Variants in PEAR1 observed in about 807,000 individuals in gnomAD.
PEAR1 encodes the protein platelet endothelial aggregation receptor 1.
PEAR1 carries 113 observed loss-of-function variants against 131.2 expected under a neutral mutation model. The observed-to-expected ratio is 0.86, with a 90% CI of 0.74 to 1.01. The LOEUF is 1.01. PEAR1 is among the 50% of genes least tolerant of loss of function. The pLI is 0.00. For missense variants in PEAR1, 1,408 were observed against 1,391.1 expected (o/e 1.01, Z -0.19); for synonymous variants, 565 against 523.3 (o/e 1.08, Z -1.09).
At position 156,910,738 on chromosome 1, in the gene PEAR1, C is replaced by G. The variant is rs1315490606; in HGVS notation, c.1946C>G (p.Ser649Cys). ...GCTGGCTGGACAGGCCCCGACTGCT[C>G]CCAGCGTATGTGGTAGCTTGTGTGT... is the stretch of plus-strand genomic sequence containing the variant. ...CLAGWTGPDC[S>C]QPCPPGHWGE... The change falls in exon 15 of 23, where the codon TCC becomes TGC. Residue 649 changes from serine to cysteine, a missense_variant. Transcript: ENST00000292357. The G allele has an allele frequency of 6.2e-7, 1 of 1,614,082 alleles. No individual in the cohort carries two copies. Among genetic ancestry groups the G allele is most frequent in the Admixed American group, 1.7e-5 (1 of 60,018 alleles).
In PEAR1 at chr1:156,915,968, C is replaced by G. The variant is rs117380926; in HGVS notation, c.*1170C>G. The G allele has an allele frequency of 6.6e-5, 10 of 152,264 alleles. No homozygotes were observed. The East Asian group carries it at 1.7e-3, about 26-fold the overall frequency. The allele number at this position is 152,264 out of a possible 1,614,324, so 9.4% of individuals were successfully genotyped here. A position where few individuals can be genotyped will look rare whatever the true frequency, so the allele number is the denominator to read the frequency against. ...GACTTCCCTAAAGGGTGGCATTTCCCCAGGGTAACAACGCAGAGCTCAGGT... is the reference window on the plus strand; with the variant it reads ...GACTTCCCTAAAGGGTGGCATTTCCGCAGGGTAACAACGCAGAGCTCAGGT... On this transcript the variant is annotated 3_prime_UTR_variant, in exon 23 of 23. Transcript: ENST00000292357.
In PEAR1 at chr1:156,910,010, G is replaced by A; in HGVS notation, c.1580G>A (p.Gly527Glu). ...GAHCQLPCPK[G>E]QFGEGCASRC... Reference sequence around the variant, plus strand: ...GCTCCCCACTCCTTCTCCAAGAAGGGGCAGTTTGGAGAAGGTTGTGCCAGT... The same window carrying A: ...GCTCCCCACTCCTTCTCCAAGAAGGAGCAGTTTGGAGAAGGTTGTGCCAGT... The change falls in exon 13 of 23, where the codon GGG (glycine) becomes GAG (glutamate). Residue 527 changes from glycine to glutamate, a missense_variant. By Grantham distance (98) the Gly-to-Glu change is moderately conservative. Coordinates refer to ENST00000292357, the MANE Select transcript of PEAR1 (RefSeq NM_001080471.3). The A allele has an allele frequency of 1.9e-6, 3 of 1,613,646 alleles. No individual in the cohort carries two copies. Among genetic ancestry groups the A allele is most frequent in the Non-Finnish European group, 2.5e-6 (3 of 1,180,022 alleles).
Position 156,904,043 on chromosome 1 carries a change from C to A in PEAR1, c.101+16C>A. 1 of 1,603,864 alleles carries A rather than the reference C, an allele frequency of 6.2e-7. No homozygotes were observed. The highest frequency in any genetic ancestry group is 8.5e-7 in the Non-Finnish European group (1 of 1,170,876). ...TCTGGGAAAGGTGAGAGGGCCCCTG[C>A]TGCACCTTGAGGGCACCAAGCCCTA... is the stretch of plus-strand genomic sequence containing the variant. On this transcript the variant is annotated intron_variant, in intron 2 of 22. Transcript: ENST00000292357.
At chr1:156,910,912 G>T (rs1650994316) in intron 15 of PEAR1, among the ~76,000 whole-genome samples, 169 bp downstream of exon 15, 1 of 152,224 alleles carries the variant, frequency 6.6e-6, no homozygotes, top group Non-Finnish European at 1.5e-5. Flanking sequence ...TGCTAAGGAT[G>T]CAGCAGTGAA....
At chr1:156,899,518 G>A (rs151220519) in intron 1 of PEAR1, among the ~76,000 whole-genome samples, 6 of 152,158 alleles carry the variant, frequency 3.9e-5, no homozygotes, top group East Asian at 1.9e-4. Context: ...TCCCATTCCC[G>A]GATCATCCTG....
At position 156,908,885 on chromosome 1, in the gene PEAR1, C is replaced by A; in HGVS notation, c.1291-31C>A. 6.2e-7 allele frequency: 1 copy of A among 1,609,814 alleles called. No homozygotes were observed. Among genetic ancestry groups the A allele is most frequent in the South Asian group, 1.1e-5 (1 of 91,040 alleles). On this transcript the variant is annotated intron_variant, in intron 10 of 22. Transcript: ENST00000292357. The surrounding 1 kb of genome is among the most constrained non-coding windows in gnomAD (Gnocchi z 4.2). ...GCAGGTGGAGAGGCCAAGGAATGGGCCGCCCCTCTCACCCGCTCACCCTCT... is the reference window on the plus strand; with the variant it reads ...GCAGGTGGAGAGGCCAAGGAATGGGACGCCCCTCTCACCCGCTCACCCTCT...
intron 1 of PEAR1, 61 bp from the exon 2 acceptor site, chr1:156,903,857 A>G (rs1649932106): frequency 1.5e-6 from 2 of 1,367,390 alleles, no homozygotes; most frequent in Non-Finnish European, 2.1e-6. Flanking sequence ...ATCTCTGCAG[A>G]CAGGTCCTCC....
chr1:156,904,658 A>T, intron 2 of PEAR1, 90 bp from the exon 3 acceptor site: 1 of 1,318,390 alleles, frequency 7.6e-7, no homozygotes, highest in Non-Finnish European at 1.1e-6. Flanking sequence ...TGGATTCCCC[A>T]CTGTGGCCAA....
Position 156,908,476 on chromosome 1 carries a change from C to T in PEAR1, c.1115+136C>T, listed in dbSNP as rs1214445149. The T allele has an allele frequency of 7.2e-6, 9 of 1,247,550 alleles. No individual in the cohort carries two copies. The highest frequency in any genetic ancestry group is 2.9e-5 in the Admixed American group (1 of 34,922). 77.3% of individuals were successfully genotyped at this position (1,247,550 alleles called of 1,614,324 possible). A position where few individuals can be genotyped will look rare whatever the true frequency, so the allele number is the denominator to read the frequency against. On this transcript the variant is annotated intron_variant, in intron 9 of 22. Coordinates refer to ENST00000292357, the MANE Select transcript of PEAR1 (RefSeq NM_001080471.3). The surrounding 1 kb of genome is among the most constrained non-coding windows in gnomAD (Gnocchi z 4.2). ...GGGGAAAGGGAGGGACCTCAGGGGC[C>T]GGGAGGGGCCTGGGGTACCGCTACT...
rs200879624 is a variant in PEAR1, at chr1:156,903,918, G to T, written c.-9G>T. 5.6e-6 allele frequency: 9 copies of T among 1,612,788 alleles called. No individual in the cohort carries two copies. In the African/African-American group the frequency reaches 1.1e-4, roughly 19 times the overall value. On this transcript the variant is annotated splice_region_variant and 5_prime_UTR_variant, in exon 2 of 23. Coordinates refer to ENST00000292357, the MANE Select transcript of PEAR1 (RefSeq NM_001080471.3). Reference sequence around the variant, plus strand: ...CCACTCTGCGCCGGTCTTGCTGCAGGCCTCTGCAATGTCACCGCCTCTGTG... The same window carrying T: ...CCACTCTGCGCCGGTCTTGCTGCAGTCCTCTGCAATGTCACCGCCTCTGTG...
At chr1:156,907,832 T>C (rs1370926564) in intron 7 of PEAR1, 83 bp from the exon 8 acceptor site, 69 of 1,560,606 alleles carry the variant, frequency 4.4e-5, no homozygotes, top group Non-Finnish European at 5.9e-5. Flanking sequence ...GTGAGCTCTG[T>C]GGTTATGGGG....
intron 1 of PEAR1, among the ~76,000 whole-genome samples, chr1:156,896,023 A>AG (rs1342896513): frequency 6.6e-6 from 1 of 152,174 alleles, no homozygotes; most frequent in Admixed American, 6.5e-5. Context: ...TTGAGGCTGC[A>AG]GTGAGCCATG....
chr1:156,898,445 G>A (rs1408459931), intron 1 of PEAR1, among the ~76,000 whole-genome samples: 4 of 152,182 alleles, frequency 2.6e-5, no homozygotes, highest in East Asian at 1.9e-4. Flanking sequence ...CATGCCTGGC[G>A]TGCCGAGGGC....
At position 156,913,491 on chromosome 1, in the gene PEAR1, G is replaced by A. The variant is rs201913466; in HGVS notation, c.2612G>A (p.Arg871His). 26 of 1,613,016 alleles carry A rather than the reference G, an allele frequency of 1.6e-5. No individual in the cohort carries two copies. Among genetic ancestry groups the A allele is most frequent in the East Asian group, 6.7e-5 (3 of 44,876 alleles). The change falls in exon 20 of 23, where the codon CGC becomes CAC. Residue 871 changes from arginine (R) to histidine (H), a missense_variant. Arg to His is a conservative substitution (Grantham distance 29, BLOSUM62 0). Transcript: ENST00000292357. The part of the protein sequence containing the change: ...HTTLPADWKH[R>H]REPPPGPLDR... ...ACCCTGCCTGCTGACTGGAAGCACC[G>A]CCGGGAGCCCCCTCCAGGGCCTCTG...
rs755476494 is a variant in PEAR1 at position 156,908,279 on chromosome 1, G to T, written c.1054G>T (p.Asp352Tyr). Reference sequence around the variant, plus strand: ...CCGCTGCACGGATCGCCTCTGCCCCGACGGCTTCTACGGTCTCAGCTGCCA... The same window carrying T: ...CCGCTGCACGGATCGCCTCTGCCCCTACGGCTTCTACGGTCTCAGCTGCCA... ...GDRCTDRLCP[D>Y]GFYGLSCQAP... The change falls in exon 9 of 23, where the codon GAC becomes TAC. Residue 352 changes from aspartate to tyrosine, a missense_variant. By Grantham distance (160) the Asp-to-Tyr change is radical. Coordinates refer to ENST00000292357, the MANE Select transcript of PEAR1 (RefSeq NM_001080471.3). This position sits in a 1 kb window ranked among gnomAD's most constrained non-coding sequence, Gnocchi z 4.2. The T allele has an allele frequency of 1.9e-6, 3 of 1,584,846 alleles. No homozygotes were observed. The South Asian group carries it at 3.4e-5, about 18-fold the overall frequency.
In PEAR1 at chr1:156,906,720, G is replaced by A; in HGVS notation, c.484G>A (p.Val162Ile). 6.2e-7 allele frequency: 1 copy of A among 1,614,226 alleles called. No individual in the cohort carries two copies. The highest frequency in any genetic ancestry group is 8.5e-7 in the Non-Finnish European group (1 of 1,180,044). The change falls in exon 6 of 23, where the codon GTA (valine) becomes ATA (isoleucine). Residue 162 changes from valine to isoleucine, a missense_variant. By Grantham distance (29) the Val-to-Ile change is conservative (BLOSUM62 3). Coordinates refer to ENST00000292357, the MANE Select transcript of PEAR1 (RefSeq NM_001080471.3). ...CAGCTCGTGTGATCCCAAGAGTGGG[G>A]TATGTTCTTGCCCTTCTGGTCTGCA... The part of the protein sequence containing the change: ...NNSSCDPKSG[V>I]CSCPSGLQPP...
In PEAR1 at chr1:156,914,784, C is replaced by T. The variant is rs1305973574; in HGVS notation, c.3100C>T (p.Arg1034Cys). 22 of 1,613,732 alleles carry T rather than the reference C, an allele frequency of 1.4e-5. No homozygotes were observed. The highest frequency in any genetic ancestry group is 3.3e-5 in the Admixed American group (2 of 59,976). ...VRHPPSPPLR[R>C]QDR ...GCATCCCCCATCACCTCCACTTCGA[C>T]GCCAGGACCGTTGAGGAGCCAGGAT... is the stretch of plus-strand genomic sequence containing the variant. The change falls in exon 23 of 23, where the codon CGC becomes TGC. Residue 1034 changes from arginine to cysteine, a missense_variant. Coordinates refer to ENST00000292357, the MANE Select transcript of PEAR1 (RefSeq NM_001080471.3).
At chr1:156,897,723 G>A (rs753108507) in intron 1 of PEAR1, among the ~76,000 whole-genome samples, 2 of 152,276 alleles carry the variant, frequency 1.3e-5, no homozygotes, top group African/African-American at 4.8e-5. Context: ...CCACTGAGGG[G>A]CTTCTTGGAA....
In PEAR1 at chr1:156,914,780, T is replaced by G; in HGVS notation, c.3096T>G (p.Leu1032=). The G allele has an allele frequency of 6.2e-7, 1 of 1,613,944 alleles. No individual in the cohort carries two copies. Among genetic ancestry groups the G allele is most frequent in the Non-Finnish European group, 8.5e-7 (1 of 1,179,874 alleles). ...PPVRHPPSPP[L]RRQDR ...TACGGCATCCCCCATCACCTCCACT[T>G]CGACGCCAGGACCGTTGAGGAGCCA... The change falls in exon 23 of 23, where the codon CTT becomes CTG. Residue 1032 remains leucine, a synonymous_variant. Transcript: ENST00000292357.
Sources: gnomAD v4.1 joint callset for allele counts (sites outside exome capture counted in the v4.1 genomes callset) on GRCh38, gnomAD v4.1.1 for gene constraint, Gnocchi (gnomAD v3.1) non-coding constraint, MANE v1.5 for transcripts, NCBI Gene and HGNC (gene_info 2026-07-23, HGNC 2026-07-21) for gene names.